The following STYK1 variants were observed in gnomAD, a reference collection of about 807,000 sequenced individuals.
The protein encoded by STYK1 is STY kinase 1.
STYK1 carries 46 observed loss-of-function variants against 48.1 expected under a neutral mutation model. That is an observed-to-expected ratio of 0.96 (90% CI 0.75 to 1.22). STYK1 has a LOEUF of 1.22. STYK1 is among the 50% of genes most tolerant of loss of function. The pLI, the probability that STYK1 is intolerant of heterozygous loss-of-function variation, is 0.00. For synonymous variants in STYK1, 188 were observed against 189.0 expected (o/e 0.99, Z 0.04); for missense variants, 527 against 521.1 (o/e 1.01, Z -0.11).
intron 1 of STYK1, among the ~76,000 whole-genome samples, chr12:10,640,054 T>A (rs532599706): frequency 2.6e-5 from 4 of 152,300 alleles, no homozygotes; most frequent in Non-Finnish European, 5.9e-5. Context: ...GAATCAGAAT[T>A]TTTTTCCTAG....
chr12:10,647,958 CT>C (rs1438935261), intron 1 of STYK1, among the ~76,000 whole-genome samples: 2 of 152,192 alleles, frequency 1.3e-5, no homozygotes, highest in Non-Finnish European at 2.9e-5. Context: ...CATTAAACCT[CT>C]TTCTTTTGTA....
chr12:10,626,047 A>T (rs1947355219), intron 7 of STYK1, among the ~76,000 whole-genome samples: 1 of 152,224 alleles, frequency 6.6e-6, no homozygotes, highest in African/African-American at 2.4e-5. Context: ...TTACTAAAAA[A>T]GGATGGTATA....
chr12:10,629,349 T>C, intron 6 of STYK1, 144 bp downstream of exon 6: 1 of 806,406 alleles, frequency 1.2e-6, no homozygotes, highest in Non-Finnish European at 1.9e-6. Context: ...TTACAAAAAG[T>C]TCTATTATAT....
intron 1 of STYK1, among the ~76,000 whole-genome samples, chr12:10,665,441 A>C (rs976242166): frequency 2.6e-5 from 4 of 152,080 alleles, no homozygotes; most frequent in African/African-American, 9.7e-5. Flanking sequence ...GAGTTCAGAC[A>C]CCTCCCAGCA....
chr12:10,673,023 GGGAA>G (rs1947906032), intron 1 of STYK1, among the ~76,000 whole-genome samples: 1 of 152,092 alleles, frequency 6.6e-6, no homozygotes, highest in African/African-American at 2.4e-5. Flanking sequence ...CCCACCGAGT[GGGAA>G]GGAAGTGTGG....
At chr12:10,664,487 CAG>C (rs889175301) in intron 1 of STYK1, among the ~76,000 whole-genome samples, 8 of 152,160 alleles carry the variant, frequency 5.3e-5, no homozygotes, top group African/African-American at 1.7e-4. Context: ...TAGCACAGAA[CAG>C]AGAGTTCTAT....
chr12:10,625,279 G>A (rs1178991523), intron 7 of STYK1, among the ~76,000 whole-genome samples: 2 of 152,030 alleles, frequency 1.3e-5, no homozygotes, highest in South Asian at 2.1e-4. Context: ...GTGCAGTGGC[G>A]GGATCTCAGC....
intron 7 of STYK1, among the ~76,000 whole-genome samples, chr12:10,626,431 A>C (rs374132598): frequency 2.6e-5 from 4 of 152,172 alleles, no homozygotes; most frequent in African/African-American, 9.7e-5. Context: ...GTCCCATGGG[A>C]GCTTCAACCA....
chr12:10,657,646 CTTTAGAGCCATTAGAT>C (rs1947733164), intron 1 of STYK1, among the ~76,000 whole-genome samples: 2 of 152,180 alleles, frequency 1.3e-5, no homozygotes, highest in Non-Finnish European at 2.9e-5. Flanking sequence ...GGTATACCTG[CTTTAGAGCCATTAGAT>C]TCTAGATAAG....
intron 1 of STYK1, among the ~76,000 whole-genome samples, chr12:10,654,877 AC>A (rs1947701344): frequency 6.6e-6 from 1 of 152,174 alleles, no homozygotes; most frequent in African/African-American, 2.4e-5. Context: ...GTACAGGATC[AC>A]CAGACACGGG....
chr12:10,629,671 G>A lies in STYK1; in HGVS notation c.455C>T (p.Pro152Leu). ...ATCTTGTACCTCATGGAGCCCAGCT[G>A]GTTCTGTAGAGGACGAAAGATCCAG... The part of the protein sequence containing the change: ...KSVILKALKE[P>L]AGLHEVQDFL... The change falls in exon 6 of 11, where the codon CCA becomes CTA. Residue 152 changes from proline to leucine, a missense_variant. By Grantham distance (98) the Pro-to-Leu change is moderately conservative. Transcript: ENST00000075503. 1 of 1,614,120 alleles carries A rather than the reference G, an allele frequency of 6.2e-7. No individual in the cohort carries two copies. Among genetic ancestry groups the A allele is most frequent in the Non-Finnish European group, 8.5e-7 (1 of 1,180,008 alleles).
At chr12:10,656,937 G>C (rs1043102224) in intron 1 of STYK1, among the ~76,000 whole-genome samples, 1 of 152,196 alleles carries the variant, frequency 6.6e-6, no homozygotes, top group Admixed American at 6.5e-5. Flanking sequence ...TTCTTATTAT[G>C]AGAGAGCTTT....
intron 1 of STYK1, among the ~76,000 whole-genome samples, chr12:10,647,186 A>T (rs1258843079): frequency 1.3e-5 from 2 of 152,208 alleles, no homozygotes; most frequent in East Asian, 3.9e-4. Context: ...AGCTTGCACC[A>T]TGTGCCTGGG....
rs1481070994 is a variant in STYK1 at position 10,619,263 on chromosome 12, T to C, written c.*881A>G. ...AAAATTAGAAGCTGCTATCCTTCCA[T>C]ATCAGATTACATTCTTTTCTAGCCC... On this transcript the variant is annotated 3_prime_UTR_variant, in exon 11 of 11. Coordinates refer to ENST00000075503, the MANE Select transcript of STYK1 (RefSeq NM_018423.3). 2.0e-5 allele frequency: 3 copies of C among 152,172 alleles called. No individual in the cohort carries two copies. Among genetic ancestry groups the C allele is most frequent in the African/African-American group, 7.2e-5 (3 of 41,446 alleles). The allele number at this position is 152,172 out of a possible 1,614,324, so 9.4% of individuals were successfully genotyped here. A position where few individuals can be genotyped will look rare whatever the true frequency, so the allele number is the denominator to read the frequency against.
chr12:10,660,680 A>C (rs1370626668), intron 1 of STYK1, among the ~76,000 whole-genome samples: 1 of 152,214 alleles, frequency 6.6e-6, no homozygotes, highest in Non-Finnish European at 1.5e-5. Context: ...ACCTAAACCA[A>C]GATGGCCACA....
rs1400167575 is a variant in STYK1 at position 10,619,267 on chromosome 12, A to C, written c.*877T>G. 1 of 152,124 alleles carries C rather than the reference A, an allele frequency of 6.6e-6. No homozygotes were observed. Among genetic ancestry groups the C allele is most frequent in the Non-Finnish European group, 1.5e-5 (1 of 68,036 alleles). 9.4% of individuals were successfully genotyped at this position (152,124 alleles called of 1,614,324 possible). ...TTAGAAGCTGCTATCCTTCCATATCAGATTACATTCTTTTCTAGCCCTTGT... is the reference window on the plus strand; with the variant it reads ...TTAGAAGCTGCTATCCTTCCATATCCGATTACATTCTTTTCTAGCCCTTGT... On this transcript the variant is annotated 3_prime_UTR_variant, in exon 11 of 11. Transcript: ENST00000075503.
intron 1 of STYK1, among the ~76,000 whole-genome samples, chr12:10,638,607 T>C (rs1947510965): frequency 6.6e-6 from 1 of 152,246 alleles, no homozygotes; most frequent in African/African-American, 2.4e-5. Context: ...ATTCACACTA[T>C]ATTCTATTTG....
intron 1 of STYK1, among the ~76,000 whole-genome samples, chr12:10,661,261 C>A (rs1442156628): frequency 6.6e-6 from 1 of 152,154 alleles, no homozygotes; most frequent in Non-Finnish European, 1.5e-5. Context: ...ATATTAAGTG[C>A]TGTTAACCAT....
intron 7 of STYK1, among the ~76,000 whole-genome samples, chr12:10,625,790 T>C (rs1947352743): frequency 6.6e-6 from 1 of 152,196 alleles, no homozygotes; most frequent in African/African-American, 2.4e-5. Flanking sequence ...TGGAATTGCC[T>C]GAGAGCTTTT....
Sources: gnomAD v4.1 joint callset for allele counts (sites outside exome capture counted in the v4.1 genomes callset) on GRCh38, gnomAD v4.1.1 for gene constraint, MANE v1.5 for transcripts, NCBI Gene and HGNC (gene_info 2026-07-23, HGNC 2026-07-21) for gene names.